MYO6: variants seen among roughly 807,000 people sequenced by gnomAD.
MYO6 encodes myosin VI.
In MYO6, 74 loss-of-function variants were observed where a neutral mutation model predicts 178.7. The ratio of observed to expected loss-of-function variants is 0.41; its 90% confidence interval spans 0.34 to 0.50. The LOEUF is 0.50. Among genes scored for constraint, MYO6 ranks in the 20% least tolerant of loss-of-function variants. MYO6 has a pLI of 0.09. For missense variants in MYO6, 1,330 were observed against 1,547.4 expected (o/e 0.86, Z 2.36); for synonymous variants, 477 against 504.6 (o/e 0.95, Z 0.73).
At chr6:75,906,192 G>A (rs1562312021) in intron 30 of MYO6, among the ~76,000 whole-genome samples, 1 of 151,814 alleles carries the variant, frequency 6.6e-6, no homozygotes, top group Non-Finnish European at 1.5e-5. Context: ...AATATTTTGT[G>A]CCACCTTCTT....
intron 29 of MYO6, among the ~76,000 whole-genome samples, chr6:75,897,343 A>T (rs1038444631): frequency 6.6e-6 from 1 of 152,168 alleles, no homozygotes; most frequent in African/African-American, 2.4e-5. Flanking sequence ...TCAAAAGATA[A>T]TTTTTATTAG....
intron 11 of MYO6, among the ~76,000 whole-genome samples, chr6:75,850,554 A>G (rs746374409): frequency 5.3e-5 from 8 of 152,204 alleles, no homozygotes; most frequent in Non-Finnish European, 1.0e-4. Context: ...TGAACAGACT[A>G]AAACAGATGT....
At chr6:75,874,456 C>T (rs188941478) in intron 20 of MYO6, among the ~76,000 whole-genome samples, 6 of 152,304 alleles carry the variant, frequency 3.9e-5, no homozygotes, top group East Asian at 1.9e-4. Context: ...CAAATCTCTG[C>T]GCCTCTGCTG....
chr6:75,840,274 G>A (rs1774084835), intron 7 of MYO6, among the ~76,000 whole-genome samples: 1 of 149,752 alleles, frequency 6.7e-6, no homozygotes, highest in African/African-American at 2.5e-5. Flanking sequence ...TAATTCTCCT[G>A]CCTCAGTCTC....
At chr6:75,835,808 A>G in intron 6 of MYO6, 93 bp from the exon 7 acceptor site, 1 of 735,464 alleles carries the variant, frequency 1.4e-6, no homozygotes, top group Non-Finnish European at 2.5e-6. Context: ...TATAATGATG[A>G]TCTAGGTTTC....
intron 30 of MYO6, among the ~76,000 whole-genome samples, chr6:75,900,034 T>C (rs1581954537): frequency 6.6e-6 from 1 of 151,844 alleles, no homozygotes; most frequent in Non-Finnish European, 1.5e-5. Context: ...TGATTTCCAA[T>C]GTCATCCATG....
Position 75,890,116 on chromosome 6 carries a change from A to G in MYO6, c.2718A>G (p.Ser906=). Reference sequence around the variant, plus strand: ...AATATGATGCACTGGTTAAAAGCTCAGAGGAACTCCTCAGTGCATTACAGA... The same window carrying G: ...AATATGATGCACTGGTTAAAAGCTCGGAGGAACTCCTCAGTGCATTACAGA... The part of the protein sequence containing the change: ...QKEYDALVKS[S]EELLSALQKK... Residue 906 remains serine (S), a synonymous_variant, in exon 26 of 35, where the codon TCA becomes TCG. Transcript: ENST00000369977. 1 of 1,614,072 alleles carries G rather than the reference A, an allele frequency of 6.2e-7. No individual in the cohort carries two copies. The highest frequency in any genetic ancestry group is 1.1e-5 in the South Asian group (1 of 91,088).
At chr6:75,753,276 C>G (rs973154999) in intron 1 of MYO6, among the ~76,000 whole-genome samples, 1 of 151,748 alleles carries the variant, frequency 6.6e-6, no homozygotes, top group Non-Finnish European at 1.5e-5. Flanking sequence ...CAAGGATATT[C>G]ATATTCAACT....
At chr6:75,885,737 C>T (rs1029973836) in intron 23 of MYO6, among the ~76,000 whole-genome samples, 1 of 152,086 alleles carries the variant, frequency 6.6e-6, no homozygotes, top group African/African-American at 2.4e-5. Flanking sequence ...TGAGCCACCG[C>T]GCCCGGCCGA....
At chr6:75,799,696 A>G (rs1480132625) in intron 1 of MYO6, among the ~76,000 whole-genome samples, 1 of 152,028 alleles carries the variant, frequency 6.6e-6, no homozygotes, top group Non-Finnish European at 1.5e-5. Flanking sequence ...GAATGAAATG[A>G]AACAAGATGG....
rs1203785566 is a variant in MYO6, at chr6:75,918,497, T to C, written c.*3485T>C. On this transcript the variant is annotated 3_prime_UTR_variant, in exon 35 of 35. Coordinates refer to ENST00000369977, the MANE Select transcript of MYO6 (RefSeq NM_004999.4). ...TTATAGGATCAGAACGTATGGTTAT[T>C]AAAACTTGGATCAAGATATGCCCGG... 2 of 152,212 alleles carry C rather than the reference T, an allele frequency of 1.3e-5. No homozygotes were observed. Among genetic ancestry groups the C allele is most frequent in the Non-Finnish European group, 2.9e-5 (2 of 68,028 alleles). 9.4% of individuals were successfully genotyped at this position (152,212 alleles called of 1,614,324 possible). A position where few individuals can be genotyped will look rare whatever the true frequency, so the allele number is the denominator to read the frequency against.
intron 18 of MYO6, among the ~76,000 whole-genome samples, chr6:75,869,392 T>C (rs916890608): frequency 1.3e-5 from 2 of 152,148 alleles, no homozygotes; most frequent in Non-Finnish European, 2.9e-5. Context: ...ACTTTGCCAT[T>C]ATTAGCTCCG....
At chr6:75,817,354 C>A in intron 1 of MYO6, 147 bp from the exon 2 acceptor site, 1 of 582,238 alleles carries the variant, frequency 1.7e-6, no homozygotes, top group South Asian at 2.0e-5. Context: ...CAGCAAGAGG[C>A]AAGGGAGGAG....
At chr6:75,894,813 G>T (rs866692700) in intron 28 of MYO6, 7 of 1,519,056 alleles carry the variant, frequency 4.6e-6, no homozygotes, top group Non-Finnish European at 6.2e-6. Flanking sequence ...TACTTTTCCA[G>T]CTTGGATTCC....
At chr6:75,837,399 T>G (rs2150237511) in intron 7 of MYO6, among the ~76,000 whole-genome samples, 1 of 152,314 alleles carries the variant, frequency 6.6e-6, no homozygotes, top group African/African-American at 2.4e-5. Flanking sequence ...TCTTGGCATT[T>G]TTTGTTTTTA....
chr6:75,841,013 G>A lies in MYO6; in HGVS notation c.652-201G>A, dbSNP rs12203461. Among the ~76,000 whole-genome samples, 19,841 of 152,112 alleles carry A rather than the reference G, an allele frequency of 0.13. 1,368 individuals carry two copies. The highest frequency in any genetic ancestry group is 0.15 in the Non-Finnish European group (10,156 of 67,992). On this transcript the variant is annotated intron_variant, in intron 8 of 34. Coordinates refer to ENST00000369977, the MANE Select transcript of MYO6 (RefSeq NM_004999.4). ...CAGGATTTGGGTAGAGACTTAAATG[G>A]GGATGTTTAAAATGAAGGATGACCA...
intron 23 of MYO6, among the ~76,000 whole-genome samples, chr6:75,884,195 G>GA (rs563799788): frequency 2.6e-5 from 4 of 151,954 alleles, no homozygotes; most frequent in East Asian, 3.9e-4. Flanking sequence ...AGGAAACTCT[G>GA]AAAAAAAAGT....
At chr6:75,808,012 C>A (rs1475830385) in intron 1 of MYO6, among the ~76,000 whole-genome samples, 1 of 152,174 alleles carries the variant, frequency 6.6e-6, no homozygotes, top group East Asian at 1.9e-4. Context: ...GAAAGGTTGC[C>A]TCGTCTTTAT....
chr6:75,823,603 A>G (rs1476570927), intron 3 of MYO6, among the ~76,000 whole-genome samples: 1 of 152,254 alleles, frequency 6.6e-6, no homozygotes, highest in African/African-American at 2.4e-5. Flanking sequence ...GGTAAGAGAA[A>G]GGAATAGATG....
Sources: gnomAD v4.1 joint callset for allele counts (sites outside exome capture counted in the v4.1 genomes callset) on GRCh38, gnomAD v4.1.1 for gene constraint, MANE v1.5 for transcripts, NCBI Gene and HGNC (gene_info 2026-07-23, HGNC 2026-07-21) for gene names.